CDH9: variants seen among roughly 807,000 people sequenced by gnomAD.
CDH9 encodes cadherin 9.
Under a neutral mutation model 70.9 loss-of-function variants are expected in CDH9, and 28 were observed. The ratio of observed to expected loss-of-function variants is 0.40; its 90% CI spans 0.29 to 0.54. CDH9 has a LOEUF of 0.54. CDH9 is among the 20% of genes least tolerant of loss of function. The pLI, the probability that CDH9 is intolerant of heterozygous loss-of-function variation, is 0.59. For missense variants in CDH9, 874 were observed against 984.4 expected (o/e 0.89, Z 1.50); for synonymous variants, 409 against 343.1 (o/e 1.19, Z -2.12).
chr5:26,986,921 G>T (rs1742496836), intron 2 of CDH9, among the ~76,000 whole-genome samples: 1 of 152,086 alleles, frequency 6.6e-6, no homozygotes, highest in Non-Finnish European at 1.5e-5. Context: ...CCAGAAAAGA[G>T]AAATGTCAAA....
At chr5:27,013,341 G>C (rs1742990294) in intron 1 of CDH9, among the ~76,000 whole-genome samples, 1 of 151,852 alleles carries the variant, frequency 6.6e-6, no homozygotes, top group Non-Finnish European at 1.5e-5. Context: ...CTTGAGGTCT[G>C]GTGCTGCCTG....
intron 1 of CDH9, among the ~76,000 whole-genome samples, chr5:27,009,233 T>A (rs936003915): frequency 2.6e-5 from 4 of 152,074 alleles, no homozygotes; most frequent in African/African-American, 9.7e-5. Context: ...TCGGGGATAG[T>A]GAGAGAATGA....
At chr5:27,008,547 A>T (rs1742906266) in intron 1 of CDH9, among the ~76,000 whole-genome samples, 1 of 152,150 alleles carries the variant, frequency 6.6e-6, no homozygotes, top group Admixed American at 6.6e-5. Context: ...CTATAATATA[A>T]AATTACAGTC....
chr5:26,985,500 T>C, intron 2 of CDH9, among the ~76,000 whole-genome samples: 1 of 152,148 alleles, frequency 6.6e-6, no homozygotes, highest in East Asian at 1.9e-4. Context: ...CACTATTTTA[T>C]TTTTCTAAAA....
At chr5:26,981,970 C>A (rs1249342020) in intron 2 of CDH9, among the ~76,000 whole-genome samples, 1 of 151,984 alleles carries the variant, frequency 6.6e-6, no homozygotes, top group Non-Finnish European at 1.5e-5. Flanking sequence ...TCATTTACAG[C>A]CTTGTACATA....
chr5:26,973,131 G>A (rs1375357637), intron 2 of CDH9, among the ~76,000 whole-genome samples: 1 of 152,120 alleles, frequency 6.6e-6, no homozygotes, highest in East Asian at 1.9e-4. Context: ...CAAAGTGCTG[G>A]TAATACAGGG....
intron 5 of CDH9, among the ~76,000 whole-genome samples, chr5:26,904,204 AT>A (rs1057162542): frequency 3.3e-5 from 5 of 151,614 alleles, no homozygotes; most frequent in East Asian, 1.9e-4. Context: ...GTATTCAATT[AT>A]TTTTTTTAAA....
At chr5:27,035,704 G>A (rs1743381433) in intron 1 of CDH9, among the ~76,000 whole-genome samples, 1 of 150,012 alleles carries the variant, frequency 6.7e-6, no homozygotes, top group African/African-American at 2.5e-5. Flanking sequence ...GTGTGTGTGT[G>A]TGTGTGGGTG....
intron 11 of CDH9, among the ~76,000 whole-genome samples, chr5:26,882,789 T>C (rs1740488326): frequency 1.3e-5 from 2 of 151,780 alleles, no homozygotes; most frequent in South Asian, 4.1e-4. Context: ...AAGAAGCTAT[T>C]ATTCTTTTTC....
chr5:27,032,038 G>A (rs76836919), intron 1 of CDH9, among the ~76,000 whole-genome samples: 20 of 151,790 alleles, frequency 1.3e-4, no homozygotes, highest in Admixed American at 1.1e-3. Context: ...AAGGTCACAG[G>A]TCCAAAGTTG....
intron 2 of CDH9, among the ~76,000 whole-genome samples, chr5:26,979,520 TA>T (rs1182322704): frequency 6.6e-6 from 1 of 151,868 alleles, no homozygotes; most frequent in Non-Finnish European, 1.5e-5. Context: ...ACGGCAGACT[TA>T]AATCCAAATA....
intron 2 of CDH9, among the ~76,000 whole-genome samples, chr5:26,947,333 G>GA (rs1741771846): frequency 6.6e-6 from 1 of 152,062 alleles, no homozygotes; most frequent in African/African-American, 2.4e-5. Context: ...ATGAAGTCCT[G>GA]AAAAAAGTAA....
At position 27,029,697 on chromosome 5, in the gene CDH9, A is replaced by C. The variant is rs550462232; in HGVS notation, c.-50+8766T>G. On this transcript the variant is annotated intron_variant, in intron 1 of 11. Transcript: ENST00000231021. ...TGGATGAATAAATTATTACCAAAAA[A>C]AATCTAAGGATCTTTTTCCTGATTA... Among the ~76,000 whole-genome samples, 6 of 152,130 alleles carry C rather than the reference A, an allele frequency of 3.9e-5. 1 individual carries two copies. The South Asian group carries it at 1.2e-3, about 32-fold the overall frequency.
chr5:26,920,299 A>G (rs1330349808), intron 2 of CDH9, among the ~76,000 whole-genome samples: 3 of 151,588 alleles, frequency 2.0e-5, no homozygotes, highest in African/African-American at 7.3e-5. Flanking sequence ...AGGGGAGGGA[A>G]GACTGAGGGA....
rs148343194 is a variant in CDH9, at chr5:26,895,450, A to T, written c.1254-4886T>A. Among the ~76,000 whole-genome samples, 669 of 152,168 alleles carry T rather than the reference A, an allele frequency of 4.4e-3. 25 individuals carry two copies. Among genetic ancestry groups the T allele is most frequent in the Admixed American group, 0.04 (618 of 15,268 alleles). On this transcript the variant is annotated intron_variant, in intron 7 of 11. Transcript: ENST00000231021. ...ATTCCAGTTTATTTTGAAGTCATGG[A>T]CATTTTATTGAGGCATAATTAAATC...
At chr5:26,890,400 T>G (rs1281796253) in intron 8 of CDH9, 28 bp downstream of exon 8, 14 of 1,603,132 alleles carry the variant, frequency 8.7e-6, no homozygotes, top group Non-Finnish European at 1.1e-5. Flanking sequence ...AAAGACAGTG[T>G]CTTCGGGTAG....
chr5:26,909,272 C>T (rs1207844169), intron 3 of CDH9, among the ~76,000 whole-genome samples: 3 of 152,038 alleles, frequency 2.0e-5, no homozygotes, highest in South Asian at 2.1e-4. Context: ...CGTGAGCCAC[C>T]GTGCCCAGCC....
At chr5:26,989,522 C>G (rs1742546066) in intron 1 of CDH9, among the ~76,000 whole-genome samples, 1 of 151,528 alleles carries the variant, frequency 6.6e-6, no homozygotes, top group Non-Finnish European at 1.5e-5. Context: ...CTCTCTCTCT[C>G]TCTCTCTCTC....
chr5:26,964,369 AT>A (rs1742092015), intron 2 of CDH9, among the ~76,000 whole-genome samples: 1 of 152,166 alleles, frequency 6.6e-6, no homozygotes, highest in South Asian at 2.1e-4. Context: ...TCCTTTCTCA[AT>A]GAATGAATAG....
Sources: allele counts gnomAD v4.1 joint callset (sites outside exome capture counted in the v4.1 genomes callset), GRCh38; gene constraint gnomAD v4.1.1; transcripts MANE v1.5; gene names NCBI Gene and HGNC (gene_info 2026-07-23, HGNC 2026-07-21).